DOCK10: variants seen among roughly 807,000 people sequenced by gnomAD.
DOCK10 encodes dedicator of cytokinesis protein 10.
A neutral mutation model predicts 280.1 loss-of-function variants in DOCK10; 145 were observed. That is an observed-to-expected ratio of 0.52 (90% CI 0.45 to 0.59). The LOEUF (loss-of-function observed/expected upper bound fraction) is 0.59, where lower values mean the gene tolerates loss of function less well. DOCK10 is among the 20% of genes least tolerant of loss of function. The pLI, the probability that DOCK10 is intolerant of heterozygous loss-of-function variation, is 0.00. For synonymous variants in DOCK10, 915 were observed against 942.2 expected, an observed-to-expected ratio of 0.97 and a Z score of 0.53; for missense variants, 2,368 against 2,651.7, an observed-to-expected ratio of 0.89 and a Z score of 2.35.
At chr2:224,852,846 G>A in intron 17 of DOCK10, 89 bp downstream of exon 17, 2 of 1,151,302 alleles carry the variant, frequency 1.7e-6, no homozygotes, top group Non-Finnish European at 2.4e-6. Context: ...TTGCCCCATA[G>A]TAATTTGTAT....
At chr2:224,789,033 G>C in intron 48 of DOCK10, 31 bp downstream of exon 48, 2 of 1,404,894 alleles carry the variant, frequency 1.4e-6, no homozygotes, top group Admixed American at 1.7e-5. Context: ...TCTTTCCTTC[G>C]TTACTGTACA....
intron 2 of DOCK10, among the ~76,000 whole-genome samples, chr2:224,919,066 T>C (rs1048795982): frequency 3.3e-5 from 5 of 150,214 alleles, no homozygotes; most frequent in African/African-American, 1.2e-4. Flanking sequence ...GTGGTGTATG[T>C]GTGGTGTGTG....
chr2:224,943,355 C>T (rs1245302020), intron 1 of DOCK10, among the ~76,000 whole-genome samples: 1 of 149,874 alleles, frequency 6.7e-6, no homozygotes, highest in African/African-American at 2.4e-5. Context: ...TTGAAAAAAA[C>T]CCAGAATATA....
At chr2:224,871,093 C>T (rs964158752) in intron 11 of DOCK10, among the ~76,000 whole-genome samples, 9 of 152,062 alleles carry the variant, frequency 5.9e-5, no homozygotes, top group African/African-American at 2.2e-4. Context: ...TCCCAAAGTG[C>T]TGGGATTACA....
intron 1 of DOCK10, among the ~76,000 whole-genome samples, chr2:224,931,912 A>C (rs534029429): frequency 3.9e-5 from 6 of 152,342 alleles, no homozygotes; most frequent in African/African-American, 1.4e-4. Context: ...GTTCTTATTG[A>C]GTCCCCAAGG....
intron 31 of DOCK10, among the ~76,000 whole-genome samples, chr2:224,813,182 A>C (rs1372480974): frequency 6.6e-6 from 1 of 152,150 alleles, no homozygotes; most frequent in Non-Finnish European, 1.5e-5. Flanking sequence ...CATGTTTTCC[A>C]CCTTAAATAT....
At position 224,823,507 on chromosome 2, in the gene DOCK10, A is replaced by G; in HGVS notation, c.3177T>C (p.Phe1059=). The change falls in exon 28 of 56, where the codon TTT becomes TTC. Residue 1059 remains phenylalanine (F), a synonymous_variant. Transcript: ENST00000258390. ...TRRANHSVAR[F]LKRCFTFMDR... ...CGATCTCATATAACTGTACCTTGAG[A>G]AATCTGGCAACGCTGTGGTTTGCCC... The G allele has an allele frequency of 6.3e-7, 1 of 1,594,736 alleles. No homozygotes were observed. Among genetic ancestry groups the G allele is most frequent in the South Asian group, 1.1e-5 (1 of 86,988 alleles).
chr2:225,017,075 T>C (rs1389720691), intron 1 of DOCK10, among the ~76,000 whole-genome samples: 1 of 144,268 alleles, frequency 6.9e-6, no homozygotes, highest in East Asian at 2.0e-4. Context: ...TTTTTAAGTG[T>C]TGTAAACTCA....
intron 14 of DOCK10, chr2:224,862,352 G>T (rs1477309566): frequency 4.9e-6 from 1 of 203,502 alleles, no homozygotes; most frequent in Non-Finnish European, 1.0e-5. Context: ...AATGTCAAAG[G>T]TTTGTTAAGT....
intron 1 of DOCK10, among the ~76,000 whole-genome samples, chr2:224,973,314 A>C (rs1705201346): frequency 6.6e-6 from 1 of 152,198 alleles, no homozygotes; most frequent in Non-Finnish European, 1.5e-5. Context: ...GCAGAGGGTA[A>C]TCCAGGCTGT....
chr2:224,963,336 T>G (rs534785390), intron 1 of DOCK10, among the ~76,000 whole-genome samples: 1 of 152,274 alleles, frequency 6.6e-6, no homozygotes, highest in Non-Finnish European at 1.5e-5. Context: ...GCTGATATAT[T>G]CGCAGTTAAT....
intron 23 of DOCK10, 48 bp downstream of exon 23, chr2:224,841,756 C>A: frequency 7.5e-7 from 1 of 1,330,938 alleles, no homozygotes; most frequent in Non-Finnish European, 1.1e-6. Context: ...GTCTCTTTTG[C>A]ACATTTTTAC....
At chr2:224,908,587 C>T (rs114687461) in intron 3 of DOCK10, among the ~76,000 whole-genome samples, 1 of 152,116 alleles carries the variant, frequency 6.6e-6, no homozygotes, top group Non-Finnish European at 1.5e-5. Flanking sequence ...GTCTCAAATT[C>T]CTGAGCTCAA....
intron 23 of DOCK10, among the ~76,000 whole-genome samples, chr2:224,840,601 G>T (rs374031427): frequency 1.1e-4 from 16 of 152,266 alleles, no homozygotes; most frequent in African/African-American, 3.8e-4. Context: ...GTCAAAAAAG[G>T]TGAAAGATAA....
chr2:225,001,427 C>A (rs1272104022), intron 1 of DOCK10, among the ~76,000 whole-genome samples: 2 of 151,536 alleles, frequency 1.3e-5, no homozygotes, highest in African/African-American at 4.9e-5. Flanking sequence ...GTAGCTGGGA[C>A]TACAGGTGCC....
chr2:224,801,291 A>AAAC (rs1379423496), intron 40 of DOCK10, among the ~76,000 whole-genome samples: 1 of 151,554 alleles, frequency 6.6e-6, no homozygotes, highest in African/African-American at 2.4e-5. Flanking sequence ...GCAAAAAAAA[A>AAAC]AAAAAAAAAA....
chr2:224,816,828 A>T lies in DOCK10; in HGVS notation c.3268-115T>A, dbSNP rs201631339. 3 of 635,504 alleles carry T rather than the reference A, an allele frequency of 4.7e-6. No individual in the cohort carries two copies. The East Asian group carries it at 8.5e-5, about 18-fold the overall frequency. The allele number at this position is 635,504 out of a possible 1,614,324, so 39.4% of individuals were successfully genotyped here. A position where few individuals can be genotyped will look rare whatever the true frequency, so the allele number is the denominator to read the frequency against. On this transcript the variant is annotated intron_variant, in intron 29 of 55. Coordinates refer to ENST00000258390, the MANE Select transcript of DOCK10 (RefSeq NM_014689.3). ...CCTAAAAAGAAAAAGTAGTTACCAT[A>T]CACTTGTCGGACCACTAGGTAATTA...
chr2:224,991,563 C>T (rs112698524), intron 1 of DOCK10, among the ~76,000 whole-genome samples: 2,592 of 151,476 alleles, frequency 0.017, 30 homozygotes, highest in Middle Eastern at 0.044. Context: ...TAAAGTCATG[C>T]GGAAACAGTA....
At chr2:224,974,439 G>T (rs1305382979) in intron 1 of DOCK10, among the ~76,000 whole-genome samples, 1 of 152,038 alleles carries the variant, frequency 6.6e-6, no homozygotes, top group African/African-American at 2.4e-5. Flanking sequence ...ATTGAAGGCT[G>T]ACAAAAATAC....
Sources: allele counts gnomAD v4.1 joint callset (sites outside exome capture counted in the v4.1 genomes callset), GRCh38; gene constraint gnomAD v4.1.1; transcripts MANE v1.5; gene names NCBI Gene and HGNC (gene_info 2026-07-23, HGNC 2026-07-21).